The following TIAM2 variants were observed in gnomAD, a reference collection of about 807,000 sequenced individuals.
TIAM2 encodes rho guanine nucleotide exchange factor TIAM2.
TIAM2 carries 80 observed loss-of-function variants against 152.9 expected under a neutral mutation model. The ratio of observed to expected loss-of-function variants is 0.52; its 90% CI spans 0.44 to 0.63. TIAM2 has a LOEUF of 0.63. Ranked by LOEUF, TIAM2 falls within the 30% of genes least tolerant of loss-of-function variation. TIAM2 has a pLI of 0.00. For synonymous variants in TIAM2, 804 were observed against 838.0 expected, an observed-to-expected ratio of 0.96 and a Z score of 0.70; for missense variants, 1,965 against 2,120.1, an observed-to-expected ratio of 0.93 and a Z score of 1.44.
rs56361305 is a variant in TIAM2 at position 155,174,518 on chromosome 6, G to A, written c.2362-2298G>A. Among the ~76,000 whole-genome samples the A allele has an allele frequency of 0.15, 22,703 of 151,992 alleles. 1,724 individuals are homozygous for A. Among genetic ancestry groups the A allele is most frequent in the Middle Eastern group, 0.19 (55 of 294 alleles). The stretch of plus-strand genomic sequence containing the variant: ...CCTGAGTAGCTGGGGCTACAGACGC[G>A]TGCCACCATGCCCGGATAATTTTTA... On this transcript the variant is annotated intron_variant, in intron 9 of 26. Coordinates refer to ENST00000682666, the MANE Select transcript of TIAM2 (RefSeq NM_012454.4). The surrounding 1 kb of genome is among the most constrained non-coding windows in gnomAD (Gnocchi z 4.2).
chr6:155,161,456 T>C (rs562683770), intron 7 of TIAM2, among the ~76,000 whole-genome samples: 1 of 152,276 alleles, frequency 6.6e-6, no homozygotes, highest in East Asian at 1.9e-4. Flanking sequence ...GTACATTAAA[T>C]AGTGCTGTTA....
chr6:155,115,419 G>A (rs1187396454), intron 2 of TIAM2, among the ~76,000 whole-genome samples: 1 of 151,760 alleles, frequency 6.6e-6, no homozygotes, highest in Non-Finnish European at 1.5e-5. Context: ...CAAGGCAGGA[G>A]GATTCAACTC....
rs58181899 is a variant in TIAM2 at position 155,024,652 on chromosome 6, TAAAA to T, written c.-209+29172_-209+29175del. 3.9e-3 allele frequency among the ~76,000 whole-genome samples: 576 copies of T among 146,972 alleles called. 1 individual carries two copies. The highest frequency in any genetic ancestry group is 0.013 in the African/African-American group (537 of 40,090). On this transcript the variant is annotated intron_variant, in intron 1 of 26. Coordinates refer to ENST00000682666, the MANE Select transcript of TIAM2 (RefSeq NM_012454.4). ...CAAATGTGGTATAAATCCATGTCTT[TAAAA>T]AAAAAAAAAAAGCAATTACTATGTT... is the stretch of plus-strand genomic sequence containing the variant.
intron 4 of TIAM2, among the ~76,000 whole-genome samples, chr6:155,136,877 G>A (rs1406546877): frequency 6.6e-6 from 1 of 152,186 alleles, no homozygotes; most frequent in African/African-American, 2.4e-5. Flanking sequence ...TCACTAGTGT[G>A]TTGTAAACAT....
intron 9 of TIAM2, among the ~76,000 whole-genome samples, chr6:155,172,641 AATATATATATATATATATATATAT>A (rs71023629): frequency 1.4e-3 from 56 of 39,412 alleles, no homozygotes; most frequent in African/African-American, 4.2e-3. Context: ...GCTAGTTGGA[AATATATATATATATATATATATAT>A]ATATATATAT....
At chr6:155,241,747 A>T (rs1280533902) in intron 16 of TIAM2, among the ~76,000 whole-genome samples, 1 of 152,038 alleles carries the variant, frequency 6.6e-6, no homozygotes, top group African/African-American at 2.4e-5. Context: ...ATTTTCCATT[A>T]TGTCTTGTCC....
rs1776719906 is a variant in TIAM2 at position 155,029,014 on chromosome 6, GTTATATATACACTGTATA to G, written c.-209+33524_-209+33541del. On this transcript the variant is annotated intron_variant, in intron 1 of 26. Coordinates refer to ENST00000682666, the MANE Select transcript of TIAM2 (RefSeq NM_012454.4). ...ACACTGTATATACTATATATACTAT[GTTATATATACACTGTATA>G]TACTATATATACTATGTTATATATA... Among the ~76,000 whole-genome samples the G allele has an allele frequency of 1.1e-4, 13 of 123,528 alleles. 1 individual carries two copies. The highest frequency in any genetic ancestry group is 1.5e-4 in the Non-Finnish European group (9 of 61,498). The allele number at this position is 123,528 out of a possible 152,430, so 81.0% of individuals were successfully genotyped here. A position where few individuals can be genotyped will look rare whatever the true frequency, so the allele number is the denominator to read the frequency against.
At chr6:155,095,520 A>G (rs1214576722) in intron 2 of TIAM2, among the ~76,000 whole-genome samples, 2 of 152,220 alleles carry the variant, frequency 1.3e-5, no homozygotes, top group African/African-American at 2.4e-5. Context: ...TGCTGGAAGG[A>G]GTTCTCATCT....
intron 9 of TIAM2, among the ~76,000 whole-genome samples, chr6:155,172,668 ATATATATATATATATATATTTTTTTTTTT>A (rs1359747346): frequency 0.12 from 1,262 of 10,836 alleles, 32 homozygotes; most frequent in African/African-American, 0.24. Flanking sequence ...ATATATATAT[ATATATATATATATATATATTTTTTTTTTT>A]TTTTTTTTTT....
rs1405383138 is a variant in TIAM2 at position 155,176,930 on chromosome 6, A to G, written c.2476A>G (p.Ile826Val). ...GGACAATCACGGAGTTACTGTAGGG[A>G]TCAAGCCAGAGCACAGAGTAGAAGA... Reference protein sequence around the residue: ...FQDNHGVTVGIKPEHRVEDIL... With the variant: ...FQDNHGVTVGVKPEHRVEDIL... The change falls in exon 10 of 27, where the codon ATC becomes GTC. Residue 826 changes from isoleucine to valine, a missense_variant. This residue lies in a region of TIAM2 where 1,025 missense variants were observed against 1,119.4 expected (regional missense o/e 0.92). Transcript: ENST00000682666. 6.2e-7 allele frequency: 1 copy of G among 1,613,916 alleles called. No individual in the cohort carries two copies. Among genetic ancestry groups the G allele is most frequent in the Non-Finnish European group, 8.5e-7 (1 of 1,179,954 alleles).
Position 155,254,067 on chromosome 6 carries a change from C to A in TIAM2, c.4313+7C>A, listed in dbSNP as rs767899469. Reference sequence around the variant, plus strand: ...TCTTTCAGTTGTGTTGCAGGTATGACTGACTTCCAAAGATTAAAACCAACA... The same window carrying A: ...TCTTTCAGTTGTGTTGCAGGTATGAATGACTTCCAAAGATTAAAACCAACA... On this transcript the variant is annotated splice_region_variant and intron_variant, in intron 25 of 26. Transcript: ENST00000682666. The A allele has an allele frequency of 6.2e-7, 1 of 1,612,296 alleles. No homozygotes were observed. The highest frequency in any genetic ancestry group is 1.7e-4 in the Middle Eastern group (1 of 6,054).
intron 14 of TIAM2, among the ~76,000 whole-genome samples, chr6:155,189,273 A>G (rs1052633821): frequency 6.6e-6 from 1 of 152,188 alleles, no homozygotes; most frequent in African/African-American, 2.4e-5. Flanking sequence ...TAAAACTGCT[A>G]TTAGTGAGTC....
At chr6:155,023,870 C>T (rs982640352) in intron 1 of TIAM2, among the ~76,000 whole-genome samples, 2 of 152,178 alleles carry the variant, frequency 1.3e-5, no homozygotes, top group Non-Finnish European at 2.9e-5. Flanking sequence ...CCTTACTCGT[C>T]TTTGCCTGCA....
chr6:155,084,689 T>C (rs1778141373), intron 1 of TIAM2, among the ~76,000 whole-genome samples: 1 of 152,082 alleles, frequency 6.6e-6, no homozygotes, highest in African/African-American at 2.4e-5. Flanking sequence ...TGTATAGGAG[T>C]CTGTCCTTTG....
chr6:155,081,973 C>T (rs1778071439), intron 1 of TIAM2, among the ~76,000 whole-genome samples: 1 of 152,158 alleles, frequency 6.6e-6, no homozygotes, highest in Admixed American at 6.5e-5. Context: ...TTATTCACCT[C>T]TTTCATCCCT....
At chr6:155,235,145 A>T (rs1212146398) in intron 15 of TIAM2, among the ~76,000 whole-genome samples, 1 of 152,184 alleles carries the variant, frequency 6.6e-6, no homozygotes, top group Non-Finnish European at 1.5e-5. Flanking sequence ...AGCCCTGGAG[A>T]GTCATGGTAA....
chr6:155,063,476 G>A (rs1373946828), intron 1 of TIAM2, among the ~76,000 whole-genome samples: 2 of 151,978 alleles, frequency 1.3e-5, no homozygotes, highest in Non-Finnish European at 2.9e-5. Context: ...ATAGTTACAT[G>A]AGTATATACA....
At chr6:155,111,626 A>G (rs1283825339) in intron 2 of TIAM2, among the ~76,000 whole-genome samples, 2 of 152,094 alleles carry the variant, frequency 1.3e-5, no homozygotes, top group Non-Finnish European at 2.9e-5. Context: ...CTGTGATAGG[A>G]GGGGCAGTTG....
At position 155,171,527 on chromosome 6, in the gene TIAM2, G is replaced by A. The variant is rs3805839; in HGVS notation, c.2362-5289G>A. Reference sequence around the variant, plus strand: ...TGTGGCAGTGAGTGAATGCAGTATTGTCATCTTAGTCATGAGCTGTAAACT... The same window carrying A: ...TGTGGCAGTGAGTGAATGCAGTATTATCATCTTAGTCATGAGCTGTAAACT... On this transcript the variant is annotated intron_variant, in intron 9 of 26. Transcript: ENST00000682666. Among the ~76,000 whole-genome samples, 9 of 152,024 alleles carry A rather than the reference G, an allele frequency of 5.9e-5. No homozygotes were observed. The East Asian group carries it at 1.7e-3, about 29-fold the overall frequency.
Sources: gnomAD v4.1 joint callset for allele counts (sites outside exome capture counted in the v4.1 genomes callset) on GRCh38, gnomAD v4.1.1 for gene constraint, gnomAD v4.1.1 regional missense constraint, Gnocchi (gnomAD v3.1) non-coding constraint, MANE v1.5 for transcripts, NCBI Gene and HGNC (gene_info 2026-07-23, HGNC 2026-07-21) for gene names.